The following KCNIP1 variants were observed in gnomAD, a reference collection of about 807,000 sequenced individuals.
KCNIP1 encodes the protein A-type potassium channel modulatory protein KCNIP1.
In KCNIP1, 18 loss-of-function variants were observed where a neutral mutation model predicts 33.0. The observed-to-expected ratio is 0.55, with a 90% CI of 0.38 to 0.81. The LOEUF is 0.81. KCNIP1 is among the 30% of genes least tolerant of loss of function. KCNIP1 has a pLI of 0.00. For missense variants in KCNIP1, 238 were observed against 271.6 expected, an observed-to-expected ratio of 0.88 and a Z score of 0.87; for synonymous variants, 93 against 98.3, an observed-to-expected ratio of 0.95 and a Z score of 0.32.
At chr5:170,409,589 C>T (rs1224045932) in intron 1 of KCNIP1, among the ~76,000 whole-genome samples, 1 of 152,186 alleles carries the variant, frequency 6.6e-6, no homozygotes, top group Non-Finnish European at 1.5e-5. Flanking sequence ...CCACCAGGAT[C>T]GCCATGTAGG....
At chr5:170,728,577 A>G (rs1312002180) in intron 5 of KCNIP1, among the ~76,000 whole-genome samples, 1 of 152,194 alleles carries the variant, frequency 6.6e-6, no homozygotes, top group Non-Finnish European at 1.5e-5. Flanking sequence ...AAATATTCTC[A>G]TTGTGATCAC....
chr5:170,659,877 CTGA>C (rs1761408820), intron 1 of KCNIP1, among the ~76,000 whole-genome samples: 1 of 152,186 alleles, frequency 6.6e-6, no homozygotes, highest in East Asian at 1.9e-4. Context: ...CGTTCATCTC[CTGA>C]TAAGTCCCTG....
chr5:170,684,259 A>G (rs1561763800), intron 1 of KCNIP1, among the ~76,000 whole-genome samples: 1 of 152,214 alleles, frequency 6.6e-6, no homozygotes, highest in Non-Finnish European at 1.5e-5. Context: ...GCCAGAACAA[A>G]TTACTACAAA....
At chr5:170,562,703 G>A (rs917650686) in intron 1 of KCNIP1, among the ~76,000 whole-genome samples, 4 of 152,178 alleles carry the variant, frequency 2.6e-5, no homozygotes, top group Admixed American at 6.5e-5. Context: ...TCTCATAAAA[G>A]CCCTTCCAAC....
intron 1 of KCNIP1, among the ~76,000 whole-genome samples, chr5:170,590,188 G>C (rs1037045069): frequency 1.3e-5 from 2 of 152,112 alleles, no homozygotes; most frequent in East Asian, 3.9e-4. Flanking sequence ...AGAGGTAGTT[G>C]GGAGTTTTAC....
At chr5:170,637,354 T>C (rs1760326963) in intron 1 of KCNIP1, among the ~76,000 whole-genome samples, 1 of 152,122 alleles carries the variant, frequency 6.6e-6, no homozygotes, top group Non-Finnish European at 1.5e-5. Context: ...CCAGCTTCCC[T>C]GCTTCTGCCC....
chr5:170,473,428 G>A (rs899623608), intron 1 of KCNIP1, among the ~76,000 whole-genome samples: 5 of 152,118 alleles, frequency 3.3e-5, no homozygotes, highest in Non-Finnish European at 5.9e-5. Context: ...CAACGTGCCC[G>A]AAGTTACAAA....
At chr5:170,503,703 ACACACACGCACG>A (rs953647298), upstream of KCNIP1, among the ~76,000 whole-genome samples, 17 of 148,144 alleles carry the variant, frequency 1.1e-4, no homozygotes, top group South Asian at 2.1e-4. Context: ...ACACACACAC[ACACACACGCACG>A]CACGCACATC....
intron 1 of KCNIP1, among the ~76,000 whole-genome samples, chr5:170,400,258 TCA>T (rs1011893110): frequency 1.2e-4 from 18 of 152,170 alleles, no homozygotes; most frequent in African/African-American, 4.3e-4. Context: ...TTTAATTGAC[TCA>T]CAGTTCTGCA....
chr5:170,414,402 T>C (rs1246202087), intron 1 of KCNIP1, among the ~76,000 whole-genome samples: 4 of 152,258 alleles, frequency 2.6e-5, no homozygotes, highest in African/African-American at 4.8e-5. Flanking sequence ...TGCCGATCAA[T>C]GAGTTTTGGC....
intron 1 of KCNIP1, among the ~76,000 whole-genome samples, chr5:170,579,081 G>A (rs373050229): frequency 1.3e-5 from 2 of 152,144 alleles, no homozygotes; most frequent in Non-Finnish European, 2.9e-5. Context: ...GCATAGTAGA[G>A]GTAGCTGAGT....
chr5:170,683,455 T>C (rs1477903198), intron 1 of KCNIP1, among the ~76,000 whole-genome samples: 2 of 152,202 alleles, frequency 1.3e-5, no homozygotes, highest in African/African-American at 2.4e-5. Flanking sequence ...CAGTTCCAGA[T>C]GGGATCTGCA....
At chr5:170,697,823 G>C (rs1338861357) in intron 1 of KCNIP1, among the ~76,000 whole-genome samples, 1 of 152,152 alleles carries the variant, frequency 6.6e-6, no homozygotes, top group East Asian at 1.9e-4. Flanking sequence ...CCCCACAGCA[G>C]GTCTGGGTGT....
chr5:170,407,021 G>A (rs1755054532), intron 1 of KCNIP1, among the ~76,000 whole-genome samples: 2 of 152,246 alleles, frequency 1.3e-5, no homozygotes, highest in Non-Finnish European at 2.9e-5. Flanking sequence ...AAGATACTCA[G>A]CCTATGAAAT....
chr5:170,389,666 G>C (rs1764634807), intron 1 of KCNIP1: 1 of 152,204 alleles, frequency 6.6e-6, no homozygotes, highest in Non-Finnish European at 1.5e-5. Flanking sequence ...GCCAGAAATA[G>C]GAAATGATTC....
chr5:170,547,546 C>T (rs1490986136), intron 1 of KCNIP1, among the ~76,000 whole-genome samples: 1 of 152,054 alleles, frequency 6.6e-6, no homozygotes, highest in Non-Finnish European at 1.5e-5. Flanking sequence ...TCTGGTGGGC[C>T]CCAGTATGCA....
chr5:170,575,312 A>G (rs1757560466), intron 1 of KCNIP1, among the ~76,000 whole-genome samples: 1 of 152,248 alleles, frequency 6.6e-6, no homozygotes. Context: ...TGGTAAAGTC[A>G]ACACTTACTG....
intron 1 of KCNIP1, among the ~76,000 whole-genome samples, chr5:170,475,889 A>T (rs1265711926): frequency 6.6e-6 from 1 of 152,058 alleles, no homozygotes; most frequent in Non-Finnish European, 1.5e-5. Flanking sequence ...CCTTGTCAGG[A>T]GTAGGTTGAG....
At chr5:170,724,208 C>G (rs1358168215) in intron 5 of KCNIP1, among the ~76,000 whole-genome samples, 1 of 152,078 alleles carries the variant, frequency 6.6e-6, no homozygotes, top group East Asian at 1.9e-4. Flanking sequence ...CTGGTGAATT[C>G]TAATATCAAT....
Sources: allele counts gnomAD v4.1 joint callset (sites outside exome capture counted in the v4.1 genomes callset), GRCh38; gene constraint gnomAD v4.1.1; transcripts MANE v1.5; gene names NCBI Gene and HGNC (gene_info 2026-07-23, HGNC 2026-07-21).